IPO5: variants seen among roughly 807,000 people sequenced by gnomAD.
IPO5 encodes the protein importin-5.
IPO5 carries 18 observed loss-of-function variants against 143.3 expected under a neutral mutation model. The observed-to-expected ratio is 0.13, with a 90% CI of 0.09 to 0.19. IPO5 has a LOEUF of 0.19. IPO5 is among the 10% of genes least tolerant of loss of function. IPO5 has a pLI of 1.00. For synonymous variants in IPO5, 477 were observed against 465.7 expected, an observed-to-expected ratio of 1.02 and a Z score of -0.31; for missense variants, 1,013 against 1,336.9, an observed-to-expected ratio of 0.76 and a Z score of 3.78.
In IPO5 at chr13:98,016,862, C is replaced by A; in HGVS notation, c.2616+11C>A. 1 of 1,529,290 alleles carries A rather than the reference C, an allele frequency of 6.5e-7. No individual in the cohort carries two copies. Among genetic ancestry groups the A allele is most frequent in the Non-Finnish European group, 8.7e-7 (1 of 1,145,682 alleles). 94.7% of individuals were successfully genotyped at this position (1,529,290 alleles called of 1,614,324 possible). On this transcript the variant is annotated intron_variant, in intron 25 of 28. Transcript: ENST00000651721. Reference sequence around the variant, plus strand: ...ATTGTCAACCTCATTGTAAGTGTTACCTCTCTTAATAGTTGTTTTGCGTAG... The same window carrying A: ...ATTGTCAACCTCATTGTAAGTGTTAACTCTCTTAATAGTTGTTTTGCGTAG...
chr13:97,977,034 C>T (rs901702762), intron 4 of IPO5: 26 of 202,530 alleles, frequency 1.3e-4, no homozygotes, highest in Non-Finnish European at 2.4e-4. Context: ...CACGTGCGGC[C>T]GCTCCCGACG....
Position 98,002,889 on chromosome 13 carries a change from T to C in IPO5, c.1349T>C (p.Met450Thr), listed in dbSNP as rs773754401. Reference sequence around the variant, plus strand: ...GTGATTGCAGCTCTGCTGCAGACCATGGAAGACCAAGGCAATCAACGTGTG... The same window carrying C: ...GTGATTGCAGCTCTGCTGCAGACCACGGAAGACCAAGGCAATCAACGTGTG... ...EKVIAALLQT[M>T]EDQGNQRVQA... The change falls in exon 16 of 29, where the codon ATG becomes ACG. Residue 450 changes from methionine (M) to threonine (T), a missense_variant. Coordinates refer to ENST00000651721, the MANE Select transcript of IPO5 (RefSeq NM_002271.6). 2 of 1,613,418 alleles carry C rather than the reference T, an allele frequency of 1.2e-6. No homozygotes were observed. The highest frequency in any genetic ancestry group is 2.2e-5 in the South Asian group (2 of 90,918).
intron 2 of IPO5, among the ~76,000 whole-genome samples, chr13:97,965,702 A>G (rs1413462624): frequency 6.6e-6 from 1 of 151,940 alleles, no homozygotes; most frequent in Non-Finnish European, 1.5e-5. Context: ...ATTTTTATAT[A>G]TTGATCTTGT....
chr13:98,013,554 A>G (rs557484417), intron 21 of IPO5, among the ~76,000 whole-genome samples: 1 of 152,282 alleles, frequency 6.6e-6, no homozygotes, highest in South Asian at 2.1e-4. Flanking sequence ...CCAGAGGACA[A>G]AGCGGGATTG....
At chr13:98,021,484 T>C (rs1250184567) in intron 28 of IPO5, 1 of 368,164 alleles carries the variant, frequency 2.7e-6, no homozygotes, top group East Asian at 4.1e-5. Context: ...TATATTCATG[T>C]GGTATATGGG....
intron 3 of IPO5, among the ~76,000 whole-genome samples, chr13:97,974,039 G>A (rs1036379115): frequency 1.3e-5 from 2 of 151,974 alleles, no homozygotes; most frequent in Non-Finnish European, 2.9e-5. Context: ...CTCCACCCTG[G>A]GCAACAGAGT....
chr13:97,970,693 T>A (rs1885756042), intron 3 of IPO5, among the ~76,000 whole-genome samples: 1 of 152,206 alleles, frequency 6.6e-6, no homozygotes, highest in African/African-American at 2.4e-5. Flanking sequence ...TAATGGCTAG[T>A]GGCTACCATA....
intron 2 of IPO5, among the ~76,000 whole-genome samples, chr13:97,969,175 A>ATTTTTTTTTTTTTTTTT (rs60300496): frequency 2.3e-5 from 1 of 43,896 alleles, no homozygotes; most frequent in African/African-American, 1.1e-4. Context: ...ATATATATAT[A>ATTTTTTTTTTTTTTTTT]TTTTTTTTTT....
intron 4 of IPO5, 34 bp downstream of exon 4, chr13:97,976,820 T>C: frequency 1.0e-6 from 1 of 1,001,522 alleles, no homozygotes; most frequent in Non-Finnish European, 1.4e-6. Flanking sequence ...CTTCGCGCCC[T>C]GGCCGGCGCG....
At position 98,022,557 on chromosome 13, in the gene IPO5, A is replaced by G. The variant is rs771287522; in HGVS notation, c.*735A>G. The G allele has an allele frequency of 2.0e-5, 3 of 152,308 alleles. No homozygotes were observed. Among genetic ancestry groups the G allele is most frequent in the Non-Finnish European group, 4.4e-5 (3 of 68,030 alleles). The allele number at this position is 152,308 out of a possible 1,614,324, so 9.4% of individuals were successfully genotyped here. On this transcript the variant is annotated 3_prime_UTR_variant, in exon 29 of 29. Transcript: ENST00000651721. The stretch of plus-strand genomic sequence containing the variant: ...GTTTTTAATATAAGAATGATCTAAT[A>G]TTTTTTTAAAGTAATAGCTATCAGT...
At chr13:97,999,644 C>T (rs1159419328) in intron 12 of IPO5, among the ~76,000 whole-genome samples, 1 of 152,154 alleles carries the variant, frequency 6.6e-6, no homozygotes, top group Non-Finnish European at 1.5e-5. Context: ...AAATACACTA[C>T]TGATCCTCCA....
chr13:97,982,958 C>T (rs888263103), intron 5 of IPO5, among the ~76,000 whole-genome samples: 6 of 152,354 alleles, frequency 3.9e-5, no homozygotes, highest in African/African-American at 1.4e-4. Context: ...GCAACCTCTG[C>T]CTCCTGGGTT....
intron 7 of IPO5, among the ~76,000 whole-genome samples, chr13:97,989,876 TAAG>T (rs1213196215): frequency 6.6e-6 from 1 of 152,170 alleles, no homozygotes; most frequent in Non-Finnish European, 1.5e-5. Context: ...GACAGAGTAA[TAAG>T]GATAAAAGCA....
At chr13:98,010,548 TAGTAGGTGGCC>T (rs1417196271) in intron 20 of IPO5, among the ~76,000 whole-genome samples, 2 of 152,068 alleles carry the variant, frequency 1.3e-5, no homozygotes, top group African/African-American at 4.8e-5. Flanking sequence ...TCTTAGTCTA[TAGTAGGTGGCC>T]ATGGAATGTT....
intron 27 of IPO5, among the ~76,000 whole-genome samples, chr13:98,020,751 C>T (rs1336133112): frequency 2.0e-5 from 3 of 151,928 alleles, no homozygotes; most frequent in Non-Finnish European, 4.4e-5. Context: ...TTTTTTTTAA[C>T]ACATCACAAA....
At chr13:97,958,997 C>A (rs897097289) in intron 2 of IPO5, among the ~76,000 whole-genome samples, 5 of 151,896 alleles carry the variant, frequency 3.3e-5, no homozygotes, top group African/African-American at 4.8e-5. Context: ...CATGGTGAAA[C>A]CTCGTCTCTA....
chr13:98,011,621 C>T (rs1162466259), intron 20 of IPO5, among the ~76,000 whole-genome samples: 2 of 151,862 alleles, frequency 1.3e-5, no homozygotes, highest in East Asian at 3.9e-4. Context: ...ATTCTCCTGC[C>T]TCAGCCTCCC....
At chr13:97,976,455 C>T (rs894167641) in intron 3 of IPO5, 46 of 152,016 alleles carry the variant, frequency 3.0e-4, no homozygotes, top group African/African-American at 1.1e-3. Flanking sequence ...GGCCCCGCCC[C>T]CCTGCGCCCA....
chr13:97,988,593 G>T (rs1887566983), intron 6 of IPO5, among the ~76,000 whole-genome samples: 1 of 152,208 alleles, frequency 6.6e-6, no homozygotes, highest in Non-Finnish European at 1.5e-5. Flanking sequence ...TTTGAGACCA[G>T]CCTGGCCATC....
Sources: gnomAD v4.1 joint callset for allele counts (sites outside exome capture counted in the v4.1 genomes callset) on GRCh38, gnomAD v4.1.1 for gene constraint, MANE v1.5 for transcripts, NCBI Gene and HGNC (gene_info 2026-07-23, HGNC 2026-07-21) for gene names.